Variants in NKTR observed in about 807,000 individuals in gnomAD.
The protein encoded by NKTR is natural killer cell triggering receptor.
Under a neutral mutation model 156.3 loss-of-function variants are expected in NKTR, and 67 were observed. That is an observed-to-expected ratio of 0.43 (90% CI 0.35 to 0.53). The LOEUF (loss-of-function observed/expected upper bound fraction) is 0.53, where lower values mean the gene tolerates loss of function less well. NKTR is among the 20% of genes least tolerant of loss of function. The pLI is 0.01. For missense variants in NKTR, 1,604 were observed against 1,730.9 expected (o/e 0.93, Z 1.30); for synonymous variants, 640 against 596.6 (o/e 1.07, Z -1.06).
intron 2 of NKTR, 200 bp downstream of exon 2, chr3:42,601,264 C>T (rs945686338): frequency 1.2e-5 from 5 of 430,358 alleles, no homozygotes; most frequent in Non-Finnish European, 2.1e-5. Flanking sequence ...GGGCCTCTTC[C>T]TGCCAAACCC....
At chr3:42,623,480 G>A (rs947965411) in intron 6 of NKTR, among the ~76,000 whole-genome samples, 2 of 152,020 alleles carry the variant, frequency 1.3e-5, no homozygotes, top group South Asian at 4.1e-4. Context: ...TGGCTAGAAA[G>A]ATCAGTTCTC....
Position 42,642,532 on chromosome 3 carries a change from G to A in NKTR, c.4078G>A (p.Gly1360Arg). ...AAGCTACTCTAGAAGTCGGAGCAGAGGATGGTACAGCAGAGGCCGAACCAG... is the reference window on the plus strand; with the variant it reads ...AAGCTACTCTAGAAGTCGGAGCAGAAGATGGTACAGCAGAGGCCGAACCAG... Reference protein sequence around the residue: ...SRSYSRSRSRGWYSRGRTRSR... With the variant: ...SRSYSRSRSRRWYSRGRTRSR... The change falls in exon 14 of 17, where the codon GGA (glycine) becomes AGA (arginine). Residue 1360 changes from glycine (G) to arginine (R), a missense_variant. Physicochemically the swap from Gly to Arg is moderately radical, Grantham distance 125. This residue lies in a region of NKTR where 193 missense variants were observed against 220.2 expected (regional missense o/e 0.88). Transcript: ENST00000232978. 2 of 1,614,020 alleles carry A rather than the reference G, an allele frequency of 1.2e-6. No homozygotes were observed. The highest frequency in any genetic ancestry group is 2.2e-5 in the East Asian group (1 of 44,874).
At chr3:42,605,435 A>T in intron 2 of NKTR, among the ~76,000 whole-genome samples, 1 of 152,238 alleles carries the variant, frequency 6.6e-6, no homozygotes, top group East Asian at 1.9e-4. Context: ...TTTAGAAGTG[A>T]TACCAAGAAA....
chr3:42,614,494 A>C (rs1707158892), intron 2 of NKTR, among the ~76,000 whole-genome samples: 1 of 152,090 alleles, frequency 6.6e-6, no homozygotes, highest in Non-Finnish European at 1.5e-5. Context: ...TCAGAATAGA[A>C]GTATCATCAC....
rs372646973 is a variant in NKTR at position 42,642,430 on chromosome 3, T to C, written c.4047-71T>C. 191 of 1,162,820 alleles carry C rather than the reference T, an allele frequency of 1.6e-4. No homozygotes were observed. The East Asian group carries it at 3.4e-3, about 21-fold the overall frequency. The allele number at this position is 1,162,820 out of a possible 1,614,324, so 72.0% of individuals were successfully genotyped here. A position where few individuals can be genotyped will look rare whatever the true frequency, so the allele number is the denominator to read the frequency against. On this transcript the variant is annotated intron_variant, in intron 13 of 16. Coordinates refer to ENST00000232978, the MANE Select transcript of NKTR (RefSeq NM_005385.4). ...TTGTTGTGTTTTCCCCTTTCTGCCC[T>C]ACCAGTAATTAATTTTAATATCATG...
At chr3:42,617,702 C>A in intron 3 of NKTR, 58 bp downstream of exon 3, 2 of 874,550 alleles carry the variant, frequency 2.3e-6, no homozygotes. Context: ...CCTTGCTGAA[C>A]AGAATAGATA....
chr3:42,637,925 T>A lies in NKTR; in HGVS notation c.2221T>A (p.Ser741Thr), dbSNP rs1180829609. ...KYSDHSQCSR[S>T]SSYTSISSDD... ...CAGTGATCATTCACAGTGTAGTAGA[T>A]CATCTTCATATACTTCTATTAGCAG... The change falls in exon 13 of 17, where the codon TCA (serine) becomes ACA (threonine). Residue 741 changes from serine (S) to threonine (T), a missense_variant. This residue lies in a region of NKTR where 1,255 missense variants were observed against 1,243.7 expected (regional missense o/e 1.01). Coordinates refer to ENST00000232978, the MANE Select transcript of NKTR (RefSeq NM_005385.4). 1 of 1,613,904 alleles carries A rather than the reference T, an allele frequency of 6.2e-7. No individual in the cohort carries two copies. The highest frequency in any genetic ancestry group is 8.5e-7 in the Non-Finnish European group (1 of 1,179,928).
intron 2 of NKTR, chr3:42,602,594 C>T (rs1391026112): frequency 1.3e-5 from 2 of 149,370 alleles, no homozygotes; most frequent in African/African-American, 2.5e-5. Flanking sequence ...TGGTTGCCTT[C>T]TCTCTCTTTT....
chr3:42,622,198 CA>C (rs1179079653), intron 6 of NKTR, among the ~76,000 whole-genome samples: 1 of 151,968 alleles, frequency 6.6e-6, no homozygotes, highest in Admixed American at 6.6e-5. Flanking sequence ...ATTGCACAAC[CA>C]AAAACTTACC....
At chr3:42,619,498 CAT>C (rs1707708821) in intron 4 of NKTR, 164 bp from the exon 5 acceptor site, 5 of 1,448,594 alleles carry the variant, frequency 3.5e-6, no homozygotes, top group Admixed American at 3.1e-5. Context: ...TGGGACTTGA[CAT>C]ATATTTTACA....
At chr3:42,603,897 G>A (rs1364575684) in intron 2 of NKTR, among the ~76,000 whole-genome samples, 2 of 151,828 alleles carry the variant, frequency 1.3e-5, no homozygotes, top group East Asian at 1.9e-4. Flanking sequence ...CACCACCCCT[G>A]GCTAATTTTT....
At chr3:42,616,241 GAATA>G (rs1707356429) in intron 2 of NKTR, among the ~76,000 whole-genome samples, 1 of 152,156 alleles carries the variant, frequency 6.6e-6, no homozygotes, top group East Asian at 1.9e-4. Flanking sequence ...AAGTCCTTTT[GAATA>G]AATAAAAAGG....
At chr3:42,626,444 A>G (rs17237090) in intron 6 of NKTR, among the ~76,000 whole-genome samples, 33,571 of 152,064 alleles carry the variant, frequency 0.22, 4,812 homozygotes, top group Admixed American at 0.41. Flanking sequence ...AAAATCAGAG[A>G]TTAGACAGGA....
At position 42,638,771 on chromosome 3, in the gene NKTR, G is replaced by T; in HGVS notation, c.3067G>T (p.Gly1023Cys). The T allele has an allele frequency of 6.2e-7, 1 of 1,613,930 alleles. No individual in the cohort carries two copies. Among genetic ancestry groups the T allele is most frequent in the South Asian group, 1.1e-5 (1 of 91,022 alleles). The change falls in exon 13 of 17, where the codon GGT becomes TGT. Residue 1023 changes from glycine to cysteine, a missense_variant. Transcript: ENST00000232978. ...TCACTGGCAGCCTCCACTAGAATTTGGTGAAGAGGAGGAGGAGGAGATTGA... is the reference window on the plus strand; with the variant it reads ...TCACTGGCAGCCTCCACTAGAATTTTGTGAAGAGGAGGAGGAGGAGATTGA... ...AFHWQPPLEF[G>C]EEEEEEIDDK...
At chr3:42,624,651 C>T (rs1708212985) in intron 6 of NKTR, among the ~76,000 whole-genome samples, 1 of 152,012 alleles carries the variant, frequency 6.6e-6, no homozygotes, top group Non-Finnish European at 1.5e-5. Flanking sequence ...ATGCTGCATA[C>T]TTATTCATAT....
intron 2 of NKTR, among the ~76,000 whole-genome samples, chr3:42,603,451 G>C (rs373589597): frequency 1.5e-4 from 23 of 149,582 alleles, no homozygotes; most frequent in African/African-American, 5.6e-4. Context: ...TAAATGTTCA[G>C]ATCCTAGATT....
chr3:42,601,143 C>A, intron 2 of NKTR, 79 bp downstream of exon 2: 2 of 1,181,662 alleles, frequency 1.7e-6, no homozygotes, highest in Non-Finnish European at 2.3e-6. Flanking sequence ...CAGCAACCCT[C>A]CCCCGGCCTT....
intron 12 of NKTR, 121 bp from the exon 13 acceptor site, chr3:42,636,747 G>T: frequency 4.4e-6 from 6 of 1,354,812 alleles, no homozygotes; most frequent in Non-Finnish European, 5.8e-6. Context: ...TCTGATTCAC[G>T]CTTCCTGCGT....
chr3:42,634,099 C>G (rs532741617), intron 10 of NKTR, among the ~76,000 whole-genome samples: 1 of 152,202 alleles, frequency 6.6e-6, no homozygotes, highest in East Asian at 1.9e-4. Context: ...TCTTTGGATC[C>G]ATTTGAGTGA....
Sources: gnomAD v4.1 joint callset for allele counts (sites outside exome capture counted in the v4.1 genomes callset) on GRCh38, gnomAD v4.1.1 for gene constraint, gnomAD v4.1.1 regional missense constraint, MANE v1.5 for transcripts, NCBI Gene and HGNC (gene_info 2026-07-23, HGNC 2026-07-21) for gene names.